The following TET2 variants were observed in gnomAD, a reference collection of about 807,000 sequenced individuals.
The protein encoded by TET2 is tet methylcytosine dioxygenase 2, also known as methylcytosine dioxygenase TET2.
A neutral mutation model predicts 142.9 loss-of-function variants in TET2; 299 were observed. The ratio of observed to expected loss-of-function variants is 2.09; its 90% CI spans 1.90 to 2.30. The LOEUF is 2.30. TET2 is among the 30% of genes most tolerant of loss of function. The probability of loss-of-function intolerance (pLI) is 0.00; values close to 1 mark genes in which losing one functional copy is unlikely to be tolerated. For synonymous variants in TET2, 819 were observed against 849.0 expected (o/e 0.96, Z 0.61); for missense variants, 2,418 against 2,378.0 (o/e 1.02, Z -0.35).
intron 6 of TET2, among the ~76,000 whole-genome samples, chr4:105,250,852 T>C (rs933646858): frequency 6.6e-6 from 1 of 151,886 alleles, no homozygotes; most frequent in African/African-American, 2.4e-5. Flanking sequence ...GCTAATTGTT[T>C]TGTGTTTTTG....
In TET2 at chr4:105,277,603, G is replaced by A. The variant is rs1027358787; in HGVS notation, c.*1084G>A. ...AGCAATTGTGTCCATTTTTAACACA[G>A]CCAGTTAAATCCACCATGGGGCTTA... On this transcript the variant is annotated 3_prime_UTR_variant, in exon 11 of 11. Coordinates refer to ENST00000380013, the MANE Select transcript of TET2 (RefSeq NM_001127208.3). The A allele has an allele frequency of 2.6e-5, 6 of 228,954 alleles. No individual in the cohort carries two copies. The highest frequency in any genetic ancestry group is 3.5e-5 in the Non-Finnish European group (4 of 115,510). 14.2% of individuals were successfully genotyped at this position (228,954 alleles called of 1,614,324 possible). A position where few individuals can be genotyped will look rare whatever the true frequency, so the allele number is the denominator to read the frequency against.
Position 105,275,955 on chromosome 4 carries a change from C to A in TET2, c.5445C>A (p.Gly1815=). 1 of 1,551,836 alleles carries A rather than the reference C, an allele frequency of 6.4e-7. No homozygotes were observed. The change falls in exon 11 of 11, where the codon GGC becomes GGA. Residue 1815 remains glycine (G), a synonymous_variant. Coordinates refer to ENST00000380013, the MANE Select transcript of TET2 (RefSeq NM_001127208.3). ...ATAGAACTGCTTGTGTCCAAGGAGG[C>A]TTACACAAATTAAGTGATGCTAATG... ...NHDRTACVQG[G]LHKLSDANGQ...
Position 105,278,360 on chromosome 4 carries a change from A to T in TET2, c.*1841A>T, listed in dbSNP as rs1731315755. The stretch of plus-strand genomic sequence containing the variant: ...AATAGGATATTGAACTGAGAGTGAA[A>T]GCATTGTGTACCATCATTTTTTTCC... On this transcript the variant is annotated 3_prime_UTR_variant, in exon 11 of 11. Coordinates refer to ENST00000380013, the MANE Select transcript of TET2 (RefSeq NM_001127208.3). 4.7e-6 allele frequency: 1 copy of T among 213,854 alleles called. No individual in the cohort carries two copies. The highest frequency in any genetic ancestry group is 2.3e-5 in the African/African-American group (1 of 43,972). 13.2% of individuals were successfully genotyped at this position (213,854 alleles called of 1,614,324 possible). A position where few individuals can be genotyped will look rare whatever the true frequency, so the allele number is the denominator to read the frequency against.
In TET2 at chr4:105,237,243, C is replaced by G. The variant is rs762575727; in HGVS notation, c.3301C>G (p.Leu1101Val). 1 of 1,614,116 alleles carries G rather than the reference C, an allele frequency of 6.2e-7. No individual in the cohort carries two copies. Among genetic ancestry groups the G allele is most frequent in the Non-Finnish European group, 8.5e-7 (1 of 1,180,010 alleles). Residue 1101 changes from leucine (L) to valine (V), a missense_variant, in exon 3 of 11, where the codon CTC becomes GTC. Coordinates refer to ENST00000380013, the MANE Select transcript of TET2 (RefSeq NM_001127208.3). The stretch of plus-strand genomic sequence containing the variant: ...AACCAAAAGAACAGCTGCTTCTGTT[C>G]TCAATAATTTTATAGAGTCACCTTC... ...TPTKRTAASV[L>V]NNFIESPSKL...
chr4:105,176,951 C>A (rs973588201), intron 1 of TET2, among the ~76,000 whole-genome samples: 2 of 152,142 alleles, frequency 1.3e-5, no homozygotes, highest in African/African-American at 2.4e-5. Context: ...AGAGCCCAAA[C>A]AAACCCATGT....
intron 2 of TET2, among the ~76,000 whole-genome samples, chr4:105,228,050 A>G (rs1728287498): frequency 6.6e-6 from 1 of 152,120 alleles, no homozygotes; most frequent in Non-Finnish European, 1.5e-5. Flanking sequence ...CTCTTTTATT[A>G]AGCAAAATAA....
At position 105,237,265 on chromosome 4, in the gene TET2, CT is replaced by C; in HGVS notation, c.3325del (p.Ser1109ProfsTer4). Reference sequence around the variant, plus strand: ...GTTCTCAATAATTTTATAGAGTCACCTTCCAAATTACTAGATACTCCTATAA... The same window carrying C: ...GTTCTCAATAATTTTATAGAGTCACCTCCAAATTACTAGATACTCCTATAA... ...ASVLNNFIES[P>X]SKLLDTPIKN... On this transcript the variant is annotated frameshift_variant, in exon 3 of 11. Transcript: ENST00000380013. LOFTEE classifies it high-confidence loss of function. 1 of 1,614,066 alleles carries C rather than the reference CT, an allele frequency of 6.2e-7. No homozygotes were observed. Among genetic ancestry groups the C allele is most frequent in the Non-Finnish European group, 8.5e-7 (1 of 1,179,988 alleles).
At chr4:105,166,633 G>A (rs1176234168) in intron 1 of TET2, among the ~76,000 whole-genome samples, 1 of 151,414 alleles carries the variant, frequency 6.6e-6, no homozygotes, top group Non-Finnish European at 1.5e-5. Context: ...AAAAAAACAG[G>A]GGTTTTTACA....
In TET2 at chr4:105,269,707, C is replaced by T. The variant is rs2110300936; in HGVS notation, c.4142C>T (p.Ala1381Val). The change falls in exon 9 of 11, where the codon GCC becomes GTC. Residue 1381 changes from alanine (A) to valine (V), a missense_variant. Ala to Val is a moderately conservative substitution (Grantham distance 64, BLOSUM62 0). Coordinates refer to ENST00000380013, the MANE Select transcript of TET2 (RefSeq NM_001127208.3). ...VTACLDFCAH[A>V]HRDLHNMQNG... ...GCATGTTTGGACTTCTGTGCTCATG[C>T]CCACAGAGACTTGCACAACATGCAG... 1 of 1,551,602 alleles carries T rather than the reference C, an allele frequency of 6.4e-7. No homozygotes were observed. Among genetic ancestry groups the T allele is most frequent in the Non-Finnish European group, 8.7e-7 (1 of 1,146,936 alleles).
At chr4:105,198,902 C>T (rs987701056) in intron 2 of TET2, among the ~76,000 whole-genome samples, 1 of 152,148 alleles carries the variant, frequency 6.6e-6, no homozygotes, top group Non-Finnish European at 1.5e-5. Context: ...CTCAGAGATA[C>T]TTAATTATAA....
Position 105,237,348 on chromosome 4 carries a change from G to A in TET2, c.3406G>A (p.Val1136Ile). The A allele has an allele frequency of 6.2e-7, 1 of 1,614,094 alleles. No individual in the cohort carries two copies. Among genetic ancestry groups the A allele is most frequent in the Non-Finnish European group, 8.5e-7 (1 of 1,179,988 alleles). ...TQYDFPSCRC[V>I]EQIIEKDEGP... Reference sequence around the variant, plus strand: ...ATATGATTTCCCATCTTGCAGATGTGTAGGTAAGTGCCAGAAATGTACTGA... The same window carrying A: ...ATATGATTTCCCATCTTGCAGATGTATAGGTAAGTGCCAGAAATGTACTGA... The change falls in exon 3 of 11, where the codon GTA becomes ATA. Residue 1136 changes from valine to isoleucine, a missense_variant. By Grantham distance (29) the Val-to-Ile change is conservative. Coordinates refer to ENST00000380013, the MANE Select transcript of TET2 (RefSeq NM_001127208.3).
At chr4:105,230,408 T>C (rs10008189) in intron 2 of TET2, among the ~76,000 whole-genome samples, 12,360 of 152,210 alleles carry the variant, frequency 0.081, 1,453 homozygotes, top group African/African-American at 0.26. Context: ...ATTGCCAAAT[T>C]GTCATCCTAC....
intron 6 of TET2, among the ~76,000 whole-genome samples, chr4:105,245,685 T>G (rs1228919937): frequency 6.6e-6 from 1 of 152,146 alleles, no homozygotes; most frequent in African/African-American, 2.4e-5. Context: ...AGAAAAATTT[T>G]TAAAAATGTA....
intron 1 of TET2, among the ~76,000 whole-genome samples, chr4:105,176,669 A>C (rs971231165): frequency 6.6e-6 from 1 of 152,214 alleles, no homozygotes; most frequent in Non-Finnish European, 1.5e-5. Flanking sequence ...TTACATGTTC[A>C]TTGTCAAGAT....
chr4:105,227,749 T>G (rs1728271686), intron 2 of TET2, among the ~76,000 whole-genome samples: 1 of 152,094 alleles, frequency 6.6e-6, no homozygotes, highest in African/African-American at 2.4e-5. Flanking sequence ...TAGCAAAAAT[T>G]TATATTTATC....
intron 1 of TET2, among the ~76,000 whole-genome samples, chr4:105,175,290 T>C (rs548794796): frequency 6.6e-6 from 1 of 152,236 alleles, no homozygotes; most frequent in East Asian, 1.9e-4. Context: ...CCAGAAACTT[T>C]ATAAAAAACT....
chr4:105,246,875 A>AT (rs1729608457), intron 6 of TET2, among the ~76,000 whole-genome samples: 2 of 152,158 alleles, frequency 1.3e-5, no homozygotes, highest in South Asian at 2.1e-4. Context: ...GTAAAAACTG[A>AT]TTTTTACATT....
chr4:105,224,348 C>T (rs1578651573), intron 2 of TET2, among the ~76,000 whole-genome samples: 1 of 152,036 alleles, frequency 6.6e-6, no homozygotes, highest in East Asian at 1.9e-4. Context: ...TCCATTTGCA[C>T]ACTAATGTGC....
At chr4:105,252,549 GA>G (rs1376179438) in intron 6 of TET2, among the ~76,000 whole-genome samples, 4 of 152,286 alleles carry the variant, frequency 2.6e-5, no homozygotes, top group African/African-American at 9.6e-5. Flanking sequence ...ACAGTAGCTT[GA>G]TTGACAGTAA....
Sources: gnomAD v4.1 joint callset for allele counts (sites outside exome capture counted in the v4.1 genomes callset) on GRCh38, gnomAD v4.1.1 for gene constraint, MANE v1.5 for transcripts, NCBI Gene and HGNC (gene_info 2026-07-23, HGNC 2026-07-21) for gene names.